The following SGCD variants were observed in gnomAD, a reference collection of about 807,000 sequenced individuals.
SGCD encodes sarcoglycan delta.
In SGCD, 18 loss-of-function variants were observed where a neutral mutation model predicts 36.6. The ratio of observed to expected loss-of-function variants is 0.49; its 90% CI spans 0.34 to 0.73. The LOEUF is 0.73. Among genes scored for constraint, SGCD ranks in the 30% least tolerant of loss-of-function variants. The pLI, the probability that SGCD is intolerant of heterozygous loss-of-function variation, is 0.01. For synonymous variants in SGCD, 133 were observed against 130.6 expected, an observed-to-expected ratio of 1.02 and a Z score of -0.12; for missense variants, 387 against 346.7, an observed-to-expected ratio of 1.12 and a Z score of -0.92.
chr5:156,038,806 G>T (rs1382184991), intron 1 of SGCD, among the ~76,000 whole-genome samples: 1 of 152,122 alleles, frequency 6.6e-6, no homozygotes, highest in African/African-American at 2.4e-5. Context: ...CCTACAAAGG[G>T]CTCTTTCTCC....
intron 4 of SGCD, among the ~76,000 whole-genome samples, chr5:156,579,868 A>G (rs954403533): frequency 1.3e-5 from 2 of 151,926 alleles, no homozygotes; most frequent in Admixed American, 6.6e-5. Flanking sequence ...TCTTTATCCA[A>G]TTTGCCAGTC....
At chr5:156,747,535 C>T (rs908068917) in intron 7 of SGCD, among the ~76,000 whole-genome samples, 3 of 152,118 alleles carry the variant, frequency 2.0e-5, no homozygotes, top group Non-Finnish European at 4.4e-5. Context: ...TTGGACTGAA[C>T]ACCTTAGTTT....
chr5:155,828,589 CCTT>C, the SGCD span, among the ~76,000 whole-genome samples: 3 of 152,166 alleles, frequency 2.0e-5, no homozygotes, highest in Admixed American at 1.3e-4. Context: ...GAAGAACAAC[CCTT>C]CTTCTTCCCA....
chr5:156,740,724 G>A (rs1243524728), intron 7 of SGCD, among the ~76,000 whole-genome samples: 1 of 152,140 alleles, frequency 6.6e-6, no homozygotes, highest in East Asian at 1.9e-4. Context: ...CTACGTCAAT[G>A]GTTCTCAACC....
chr5:155,916,501 A>G (rs1349031941), intron 1 of SGCD, among the ~76,000 whole-genome samples: 2 of 152,142 alleles, frequency 1.3e-5, no homozygotes, highest in African/African-American at 4.8e-5. Context: ...TTGGTGTTTG[A>G]TAATTGAAGA....
Position 156,452,108 on chromosome 5 carries a change from T to C in SGCD, c.193-56493T>C, listed in dbSNP as rs896360970. ...TCTTGAGCCTGTGCTGGTCACCCCA[T>C]GTAGTTGTAGTAGCTTCCCTTGACC... On this transcript the variant is annotated intron_variant, in intron 3 of 8. Coordinates refer to ENST00000337851, the MANE Select transcript of SGCD (RefSeq NM_000337.6). Among the ~76,000 whole-genome samples the C allele has an allele frequency of 2.6e-5, 4 of 152,118 alleles. No individual in the cohort carries two copies. In the East Asian group the frequency reaches 5.8e-4, roughly 22 times the overall value.
At chr5:156,426,077 G>A (rs568127650) in intron 3 of SGCD, among the ~76,000 whole-genome samples, 1 of 152,222 alleles carries the variant, frequency 6.6e-6, no homozygotes, top group South Asian at 2.1e-4. Flanking sequence ...TGGATACCGA[G>A]TAGTAGGATT....
chr5:156,618,694 A>ACT (rs1762113378), intron 6 of SGCD, among the ~76,000 whole-genome samples: 1 of 151,944 alleles, frequency 6.6e-6, no homozygotes, highest in African/African-American at 2.4e-5. Flanking sequence ...CATAAGCTAC[A>ACT]GTGGTTCGGT....
At chr5:155,803,388 C>G in the SGCD span, among the ~76,000 whole-genome samples, 14,401 of 152,096 alleles carry the variant, frequency 0.095, 841 homozygotes, top group South Asian at 0.2. Context: ...GGAGAGAAGG[C>G]CTTTTGAGAA....
intron 3 of SGCD, among the ~76,000 whole-genome samples, chr5:156,191,771 A>G (rs539105425): frequency 1.9e-4 from 29 of 152,200 alleles, no homozygotes; most frequent in African/African-American, 6.7e-4. Context: ...GATGCAACCA[A>G]TGGGTCTTGG....
At chr5:156,127,005 A>C (rs920437170) in intron 3 of SGCD, among the ~76,000 whole-genome samples, 1 of 152,210 alleles carries the variant, frequency 6.6e-6, no homozygotes, top group Non-Finnish European at 1.5e-5. Flanking sequence ...TTTAAAAACC[A>C]CTGCTTAACC....
intron 1 of SGCD, among the ~76,000 whole-genome samples, chr5:156,054,156 G>T (rs774771180): frequency 6.9e-6 from 1 of 145,646 alleles, no homozygotes; most frequent in South Asian, 2.2e-4. Context: ...ATTTAGTTCC[G>T]GAGGTTTTGA....
intron 3 of SGCD, among the ~76,000 whole-genome samples, chr5:156,220,292 G>T (rs1412927462): frequency 6.6e-6 from 1 of 152,102 alleles, no homozygotes; most frequent in Non-Finnish European, 1.5e-5. Flanking sequence ...GTACTAGCAA[G>T]GTACGTTGGA....
chr5:156,166,521 C>G (rs913852146), intron 3 of SGCD, among the ~76,000 whole-genome samples: 1 of 152,152 alleles, frequency 6.6e-6, no homozygotes, highest in Non-Finnish European at 1.5e-5. Context: ...AGGGTTTCAC[C>G]GTGTTAGCCA....
At chr5:156,218,193 A>G (rs940089871) in intron 3 of SGCD, among the ~76,000 whole-genome samples, 3 of 152,168 alleles carry the variant, frequency 2.0e-5, no homozygotes, top group Non-Finnish European at 4.4e-5. Flanking sequence ...CGAAGGTTGC[A>G]GTGAGCCGAG....
chr5:156,054,086 A>G (rs962387237), intron 1 of SGCD, among the ~76,000 whole-genome samples: 1 of 145,790 alleles, frequency 6.9e-6, no homozygotes, highest in Non-Finnish European at 1.5e-5. Flanking sequence ...CACAAAGGCA[A>G]ATCATATATA....
chr5:156,305,219 C>A (rs960849662), intron 3 of SGCD, among the ~76,000 whole-genome samples: 1 of 152,134 alleles, frequency 6.6e-6, no homozygotes, highest in Admixed American at 6.5e-5. Context: ...CATTCCCTCC[C>A]ATCACAGGTC....
the SGCD span, among the ~76,000 whole-genome samples, chr5:155,780,972 A>G: frequency 2.0e-5 from 3 of 152,280 alleles, no homozygotes; most frequent in Admixed American, 1.3e-4. Context: ...CAGTTTGAGT[A>G]TTAAGGTTCA....
Position 155,942,326 on chromosome 5 carries a change from G to GTATCTATCTATCTATCTATC in SGCD, c.-282+71905_-282+71906insCTATCTATCTATCTATCTAT, listed in dbSNP as rs200508490. On this transcript the variant is annotated intron_variant, in intron 1 of 9. Transcript: ENST00000517913. ...TGTATGTATGTATGTATGTATGTATGTATGTATGTATCTATCTATCTATCT... is the reference window on the plus strand; with the variant it reads ...TGTATGTATGTATGTATGTATGTATGTATCTATCTATCTATCTATCTATGTATGTATCTATCTATCTATCT... Among the ~76,000 whole-genome samples, 703 of 111,334 alleles carry GTATCTATCTATCTATCTATC rather than the reference G, an allele frequency of 6.3e-3. 3 individuals carry two copies. The highest frequency in any genetic ancestry group is 0.013 in the East Asian group (48 of 3,838). 73.0% of individuals were successfully genotyped at this position (111,334 alleles called of 152,430 possible). A position where few individuals can be genotyped will look rare whatever the true frequency, so the allele number is the denominator to read the frequency against.
Sources: allele counts gnomAD v4.1 joint callset (sites outside exome capture counted in the v4.1 genomes callset), GRCh38; gene constraint gnomAD v4.1.1; transcripts MANE v1.5; gene names NCBI Gene and HGNC (gene_info 2026-07-23, HGNC 2026-07-21).